The following PKHD1 variants were observed in gnomAD, a reference collection of about 807,000 sequenced individuals.
PKHD1 encodes the protein fibrocystin.
Under a neutral mutation model 412.0 loss-of-function variants are expected in PKHD1, and 291 were observed. The observed-to-expected ratio is 0.71, with a 90% CI of 0.64 to 0.78. The LOEUF (loss-of-function observed/expected upper bound fraction) is 0.78, where lower values mean the gene tolerates loss of function less well. PKHD1 is among the 30% of genes least tolerant of loss of function. The probability of loss-of-function intolerance (pLI) is 0.00; values close to 1 mark genes in which losing one functional copy is unlikely to be tolerated. For missense variants in PKHD1, 4,825 were observed against 4,950.7 expected, an observed-to-expected ratio of 0.97 and a Z score of 0.76; for synonymous variants, 1,777 against 1,821.5, an observed-to-expected ratio of 0.98 and a Z score of 0.62.
chr6:52,085,511 C>T (rs555905590), intron 1 of PKHD1, among the ~76,000 whole-genome samples: 3 of 151,936 alleles, frequency 2.0e-5, no homozygotes, highest in African/African-American at 4.9e-5. Context: ...CAACTCTCTC[C>T]GTGGCCTCAG....
rs71544105 is a variant in PKHD1 at position 51,880,779 on chromosome 6, TAAAAAAAAA to T, written c.7350+2305_7350+2313del. ...CTTAGAGTATAATAAAAAAAAAAAT[TAAAAAAAAA>T]AAAAAAAAAAAAAAAAAAACACAAA... On this transcript the variant is annotated intron_variant, in intron 46 of 66. Transcript: ENST00000371117. Among the ~76,000 whole-genome samples the T allele has an allele frequency of 4.1e-3, 124 of 30,042 alleles. 9 individuals are homozygous for T. The highest frequency in any genetic ancestry group is 0.083 in the Middle Eastern group (2 of 24). 19.7% of individuals were successfully genotyped at this position (30,042 alleles called of 152,430 possible).
intron 36 of PKHD1, among the ~76,000 whole-genome samples, chr6:51,938,890 TTTCAATCTTGGTGCCACAC>T (rs1198345941): frequency 6.6e-6 from 1 of 151,642 alleles, no homozygotes; most frequent in Non-Finnish European, 1.5e-5. Context: ...CTCTTTCTCC[TTTCAATCTTGGTGCCACAC>T]TTCAATCTCT....
chr6:51,638,347 C>T lies in PKHD1; in HGVS notation c.11506+502G>A, dbSNP rs193298586. On this transcript the variant is annotated intron_variant, in intron 64 of 66. Transcript: ENST00000371117. ...ATTTTCATGAGAGTCACATTTAATA[C>T]GCCAGAGGGTGTTTTTTTTACATGT... Among the ~76,000 whole-genome samples, 37 of 152,156 alleles carry T rather than the reference C, an allele frequency of 2.4e-4. No individual in the cohort carries two copies. The East Asian group carries it at 3.7e-3, about 15-fold the overall frequency.
In PKHD1 at chr6:51,920,440, G is replaced by A. The variant is rs545156942; in HGVS notation, c.6122-7864C>T. On this transcript the variant is annotated intron_variant, in intron 37 of 66. Coordinates refer to ENST00000371117, the MANE Select transcript of PKHD1 (RefSeq NM_138694.4). ...TGCTGGATTACATTTATTGATTTGC[G>A]TATATTGAACCAGCCTTGCATCCCA... 1.1e-4 allele frequency among the ~76,000 whole-genome samples: 16 copies of A among 152,206 alleles called. No individual in the cohort carries two copies. The South Asian group carries it at 2.1e-3, about 20-fold the overall frequency.
chr6:52,058,206 T>C (rs1236210536), intron 16 of PKHD1, 117 bp downstream of exon 16: 2 of 911,882 alleles, frequency 2.2e-6, no homozygotes, highest in Non-Finnish European at 3.6e-6. Flanking sequence ...TCCTATTTCT[T>C]TGACAGCAAG....
At chr6:51,692,520 T>G (rs546889305) in intron 60 of PKHD1, among the ~76,000 whole-genome samples, 71 of 152,226 alleles carry the variant, frequency 4.7e-4, no homozygotes, top group African/African-American at 1.3e-3. Flanking sequence ...CTTCCTTACC[T>G]CCCTCCGACA....
At chr6:51,934,449 C>T (rs989802680) in intron 36 of PKHD1, 127 bp from the exon 37 acceptor site, 2 of 719,980 alleles carry the variant, frequency 2.8e-6, no homozygotes, top group East Asian at 2.7e-5. Context: ...TTTTATCATG[C>T]TCTCTCTTGT....
chr6:51,793,705 A>T (rs1794116903), intron 52 of PKHD1, among the ~76,000 whole-genome samples: 1 of 152,198 alleles, frequency 6.6e-6, no homozygotes, highest in Admixed American at 6.5e-5. Context: ...GATAATTCTC[A>T]TTCCTTTTTA....
At chr6:51,630,673 G>C (rs969268564) in intron 65 of PKHD1, among the ~76,000 whole-genome samples, 2 of 152,164 alleles carry the variant, frequency 1.3e-5, no homozygotes, top group African/African-American at 4.8e-5. Context: ...AGCTTAACCA[G>C]AGAATCTTTT....
chr6:52,047,702 G>A (rs1298570510), intron 23 of PKHD1, among the ~76,000 whole-genome samples: 1 of 152,156 alleles, frequency 6.6e-6, no homozygotes, highest in Non-Finnish European at 1.5e-5. Context: ...ACTCTAGAAA[G>A]AAGAGGACTG....
chr6:51,857,518 A>G (rs1462067306), intron 48 of PKHD1, among the ~76,000 whole-genome samples: 1 of 152,240 alleles, frequency 6.6e-6, no homozygotes, highest in East Asian at 1.9e-4. Flanking sequence ...AACCTGGGCA[A>G]ATTTCAGCAC....
At chr6:51,896,958 A>G (rs1780158571) in intron 43 of PKHD1, among the ~76,000 whole-genome samples, 1 of 152,198 alleles carries the variant, frequency 6.6e-6, no homozygotes, top group Admixed American at 6.5e-5. Context: ...AGGGAAGTTT[A>G]GAGAAAAAAG....
At chr6:51,635,783 G>A (rs1014290390) in intron 64 of PKHD1, among the ~76,000 whole-genome samples, 1 of 147,096 alleles carries the variant, frequency 6.8e-6, no homozygotes, top group Non-Finnish European at 1.5e-5. Flanking sequence ...TGACTTTCTG[G>A]GGGGAGAATA....
chr6:51,763,156 C>T (rs1788334203), intron 55 of PKHD1, among the ~76,000 whole-genome samples: 2 of 152,168 alleles, frequency 1.3e-5, no homozygotes, highest in East Asian at 3.9e-4. Flanking sequence ...AATCCAGCCT[C>T]AGGAATTTCT....
chr6:51,970,732 T>A (rs940117408), intron 35 of PKHD1, among the ~76,000 whole-genome samples: 1 of 152,218 alleles, frequency 6.6e-6, no homozygotes, highest in Non-Finnish European at 1.5e-5. Context: ...TATGTTTTTG[T>A]TGGCTTTGTC....
chr6:52,050,645 C>T (rs1440127021), intron 21 of PKHD1, among the ~76,000 whole-genome samples: 1 of 152,192 alleles, frequency 6.6e-6, no homozygotes, highest in Non-Finnish European at 1.5e-5. Flanking sequence ...TCCTTTCCTT[C>T]CCACAGCCCC....
chr6:51,844,495 T>A (rs1302608554), intron 50 of PKHD1, among the ~76,000 whole-genome samples: 1 of 152,182 alleles, frequency 6.6e-6, no homozygotes, highest in African/African-American at 2.4e-5. Context: ...ACCCCCGCCA[T>A]CCTTTCTGGT....
chr6:51,767,353 A>C (rs566700563), intron 55 of PKHD1, among the ~76,000 whole-genome samples: 2 of 151,866 alleles, frequency 1.3e-5, no homozygotes, highest in East Asian at 3.9e-4. Flanking sequence ...TATTATTATT[A>C]TACTTCAAGT....
intron 35 of PKHD1, among the ~76,000 whole-genome samples, chr6:51,985,020 A>G (rs923216665): frequency 7.8e-6 from 1 of 127,608 alleles, no homozygotes; most frequent in African/African-American, 3.1e-5. Flanking sequence ...TTTCCATAGA[A>G]AAAAAAAACA....
Sources: gnomAD v4.1 joint callset for allele counts (sites outside exome capture counted in the v4.1 genomes callset) on GRCh38, gnomAD v4.1.1 for gene constraint, MANE v1.5 for transcripts, NCBI Gene and HGNC (gene_info 2026-07-23, HGNC 2026-07-21) for gene names.